Variants in RNLS observed in about 807,000 individuals in gnomAD.
The protein encoded by RNLS is renalase.
Under a neutral mutation model 39.8 loss-of-function variants are expected in RNLS, and 39 were observed. The ratio of observed to expected loss-of-function variants is 0.98; its 90% CI spans 0.76 to 1.28. RNLS has a LOEUF of 1.28. Ranked by LOEUF, RNLS falls within the 50% of genes most tolerant of loss-of-function variation. The pLI, the probability that RNLS is intolerant of heterozygous loss-of-function variation, is 0.00. For synonymous variants in RNLS, 147 were observed against 150.7 expected, an observed-to-expected ratio of 0.98 and a Z score of 0.18; for missense variants, 410 against 413.3, an observed-to-expected ratio of 0.99 and a Z score of 0.07.
chr10:88,506,159 G>T (rs1386834432), intron 4 of RNLS, among the ~76,000 whole-genome samples: 1 of 151,914 alleles, frequency 6.6e-6, no homozygotes, highest in African/African-American at 2.4e-5. Flanking sequence ...CTACTGACCT[G>T]AACTCTTCAA....
At chr10:88,175,025 G>A in the RNLS span, among the ~76,000 whole-genome samples, 1 of 151,974 alleles carries the variant, frequency 6.6e-6, no homozygotes, top group African/African-American at 2.4e-5. Context: ...ATTTTCTCCA[G>A]GTTTTCAAAT....
the RNLS span, among the ~76,000 whole-genome samples, chr10:88,199,730 T>G: frequency 6.6e-6 from 1 of 152,008 alleles, no homozygotes; most frequent in Non-Finnish European, 1.5e-5. Flanking sequence ...TGGTGAGAAG[T>G]AGAGGGAAGG....
intron 4 of RNLS, among the ~76,000 whole-genome samples, chr10:88,459,292 T>C (rs1169812614): frequency 6.6e-6 from 1 of 152,114 alleles, no homozygotes; most frequent in Middle Eastern, 3.2e-3. Flanking sequence ...ACAAGAGGCA[T>C]GTTTTTTGAT....
At chr10:88,177,216 A>G in the RNLS span, among the ~76,000 whole-genome samples, 12 of 152,118 alleles carry the variant, frequency 7.9e-5, no homozygotes, top group African/African-American at 2.7e-4. Context: ...CCATTATGCA[A>G]ATATTTATTT....
the RNLS span, among the ~76,000 whole-genome samples, chr10:88,220,479 T>G: frequency 6.6e-6 from 1 of 152,204 alleles, no homozygotes; most frequent in Non-Finnish European, 1.5e-5. Flanking sequence ...TCAAAATAAC[T>G]TTATTATTAA....
intron 4 of RNLS, among the ~76,000 whole-genome samples, chr10:88,483,300 T>C (rs1023869171): frequency 2.0e-5 from 3 of 152,192 alleles, no homozygotes; most frequent in African/African-American, 7.2e-5. Context: ...GGGAAAAGCA[T>C]CTTCAAGCCC....
intron 4 of RNLS, among the ~76,000 whole-genome samples, chr10:88,409,029 A>T (rs975828559): frequency 6.6e-6 from 1 of 152,146 alleles, no homozygotes; most frequent in Non-Finnish European, 1.5e-5. Flanking sequence ...AAAAAATGTT[A>T]CTTTATACCA....
chr10:88,433,593 T>C (rs1855270179), intron 4 of RNLS, among the ~76,000 whole-genome samples: 1 of 152,152 alleles, frequency 6.6e-6, no homozygotes, highest in South Asian at 2.1e-4. Flanking sequence ...TAAATGATTG[T>C]TCCTATTAAT....
At chr10:88,373,226 C>CTAA (rs911369738) in intron 4 of RNLS, among the ~76,000 whole-genome samples, 4 of 152,062 alleles carry the variant, frequency 2.6e-5, no homozygotes, top group African/African-American at 7.2e-5. Flanking sequence ...AATTAATATT[C>CTAA]TAATTAAAAA....
chr10:88,517,129 TA>T (rs1277421875), intron 4 of RNLS, among the ~76,000 whole-genome samples: 1 of 152,012 alleles, frequency 6.6e-6, no homozygotes, highest in Non-Finnish European at 1.5e-5. Context: ...ATCAGAAAGA[TA>T]ACCTTTGAAA....
At chr10:88,229,298 G>A in the RNLS span, among the ~76,000 whole-genome samples, 83 of 152,210 alleles carry the variant, frequency 5.5e-4, no homozygotes, top group East Asian at 1.5e-3. Context: ...GCTCTGCCTC[G>A]ATGTGTGTAT....
chr10:88,217,576 GA>G, the RNLS span, among the ~76,000 whole-genome samples: 3 of 151,962 alleles, frequency 2.0e-5, no homozygotes, highest in Admixed American at 2.0e-4. Context: ...AGGTTATTCA[GA>G]AAAATAAAAC....
At chr10:88,252,557 C>A in the RNLS span, among the ~76,000 whole-genome samples, 2 of 152,180 alleles carry the variant, frequency 1.3e-5, no homozygotes, top group Non-Finnish European at 1.5e-5. Flanking sequence ...AAGTCTATAA[C>A]TTTCTTTAGG....
At chr10:88,254,708 G>A in the RNLS span, among the ~76,000 whole-genome samples, 22 of 152,114 alleles carry the variant, frequency 1.4e-4, no homozygotes, top group African/African-American at 3.6e-4. Flanking sequence ...TTTACACACC[G>A]GGTATTTAAT....
chr10:88,225,801 A>G, the RNLS span, among the ~76,000 whole-genome samples: 1 of 152,244 alleles, frequency 6.6e-6, no homozygotes, highest in Non-Finnish European at 1.5e-5. Flanking sequence ...TAGTTATTTA[A>G]TTAAAAGTAA....
At chr10:88,473,778 A>G (rs573178284) in intron 4 of RNLS, among the ~76,000 whole-genome samples, 34 of 152,300 alleles carry the variant, frequency 2.2e-4, no homozygotes, top group African/African-American at 7.7e-4. Context: ...AAACATTGCA[A>G]TTGACAGGTC....
At chr10:88,378,695 A>G (rs1256097027) in intron 4 of RNLS, among the ~76,000 whole-genome samples, 1 of 152,204 alleles carries the variant, frequency 6.6e-6, no homozygotes, top group Non-Finnish European at 1.5e-5. Context: ...TTAGCATTAG[A>G]TCATACCCTT....
chr10:88,298,934 C>T (rs1844301667), intron 6 of RNLS, among the ~76,000 whole-genome samples: 3 of 152,074 alleles, frequency 2.0e-5, no homozygotes, highest in South Asian at 4.1e-4. Flanking sequence ...AAAAATATTA[C>T]CTCTTTCAAT....
At chr10:88,545,580 C>G (rs918011226) in intron 4 of RNLS, 2 of 412,784 alleles carry the variant, frequency 4.8e-6, no homozygotes, top group African/African-American at 4.1e-5. Flanking sequence ...AGTTACCTCC[C>G]ACTGGGTCCC....
Sources: gnomAD v4.1 joint callset for allele counts (sites outside exome capture counted in the v4.1 genomes callset) on GRCh38, gnomAD v4.1.1 for gene constraint, MANE v1.5 for transcripts, NCBI Gene and HGNC (gene_info 2026-07-23, HGNC 2026-07-21) for gene names.